HFM1: variants seen among roughly 807,000 people sequenced by gnomAD.
The protein encoded by HFM1 is helicase for meiosis 1, also known as probable ATP-dependent DNA helicase HFM1.
A neutral mutation model predicts 192.1 loss-of-function variants in HFM1; 169 were observed. The ratio of observed to expected loss-of-function variants is 0.88; its 90% CI spans 0.78 to 1.00. The LOEUF (loss-of-function observed/expected upper bound fraction) is 1.00, where lower values mean the gene tolerates loss of function less well. Ranked by LOEUF, HFM1 falls within the 50% of genes least tolerant of loss-of-function variation. HFM1 has a pLI of 0.00. For missense variants in HFM1, 1,661 were observed against 1,668.0 expected, an observed-to-expected ratio of 1.00 and a Z score of 0.07; for synonymous variants, 525 against 537.8, an observed-to-expected ratio of 0.98 and a Z score of 0.33.
At chr1:91,311,171 CT>C (rs1268238482) in intron 30 of HFM1, among the ~76,000 whole-genome samples, 1 of 152,168 alleles carries the variant, frequency 6.6e-6, no homozygotes, top group Non-Finnish European at 1.5e-5. Context: ...GCAAAGGTGA[CT>C]CTTGTTACGT....
chr1:91,407,473 TTCATATAAGTGGGA>T (rs1344984467), upstream of HFM1, among the ~76,000 whole-genome samples: 3 of 152,224 alleles, frequency 2.0e-5, no homozygotes, highest in African/African-American at 7.2e-5. Flanking sequence ...TCCTAAGTAC[TTCATATAAGTGGGA>T]TCATACAATA....
intron 35 of HFM1, among the ~76,000 whole-genome samples, chr1:91,267,100 T>C (rs1031681118): frequency 2.0e-5 from 3 of 152,138 alleles, no homozygotes; most frequent in Non-Finnish European, 4.4e-5. Flanking sequence ...AGTATCTCCA[T>C]TGCTATCTTG....
chr1:91,342,064 G>C (rs1213429475), intron 20 of HFM1, among the ~76,000 whole-genome samples: 1 of 147,836 alleles, frequency 6.8e-6, no homozygotes, highest in Non-Finnish European at 1.5e-5. Flanking sequence ...AATTTGAGGA[G>C]GGACTCCTCC....
intron 30 of HFM1, among the ~76,000 whole-genome samples, chr1:91,277,650 A>G (rs2100786594): frequency 7.6e-6 from 1 of 131,924 alleles, no homozygotes; most frequent in South Asian, 2.1e-4. Flanking sequence ...TATATATAAT[A>G]TATACTAATA....
intron 13 of HFM1, among the ~76,000 whole-genome samples, chr1:91,361,832 C>T (rs1396178341): frequency 6.6e-6 from 1 of 152,140 alleles, no homozygotes; most frequent in Non-Finnish European, 1.5e-5. Context: ...AATCCAGCAG[C>T]ACATCAAAAA....
intron 34 of HFM1, among the ~76,000 whole-genome samples, chr1:91,272,005 T>C (rs1486229606): frequency 6.6e-6 from 1 of 152,152 alleles, no homozygotes; most frequent in Non-Finnish European, 1.5e-5. Context: ...CTTTCTCATA[T>C]AATTTGTGAC....
chr1:91,263,482 C>A (rs1665364119), intron 36 of HFM1, among the ~76,000 whole-genome samples: 1 of 152,040 alleles, frequency 6.6e-6, no homozygotes, highest in African/African-American at 2.4e-5. Flanking sequence ...TGGCTCACAC[C>A]TATAATCCCA....
Position 91,380,928 on chromosome 1 carries a change from G to C in HFM1, c.857C>G (p.Ser286Cys), listed in dbSNP as rs1197169918. ...KEFPYFNYIQ[S>C]KAFDDLLYTD... ...AATACTTACATCATCAAAGGCCTTG[G>C]ACTGTATATAGTTGAAATATGGAAA... Residue 286 changes from serine to cysteine, a missense_variant, in exon 7 of 39, where the codon TCC becomes TGC. Coordinates refer to ENST00000370425, the MANE Select transcript of HFM1 (RefSeq NM_001017975.6). The C allele has an allele frequency of 2.1e-6, 3 of 1,454,784 alleles. No homozygotes were observed. The Admixed American group carries it at 5.1e-5, about 25-fold the overall frequency. 90.1% of individuals were successfully genotyped at this position (1,454,784 alleles called of 1,614,324 possible).
At chr1:91,316,818 T>C (rs1017740957) in intron 25 of HFM1, among the ~76,000 whole-genome samples, 52 of 152,178 alleles carry the variant, frequency 3.4e-4, no homozygotes, top group Admixed American at 5.9e-4. Context: ...GGCAACATGA[T>C]TCAAGGATCA....
At chr1:91,292,895 G>A (rs996216589) in intron 30 of HFM1, among the ~76,000 whole-genome samples, 5 of 151,978 alleles carry the variant, frequency 3.3e-5, no homozygotes, top group African/African-American at 9.7e-5. Context: ...CAGAAATAAC[G>A]CCACATATCT....
chr1:91,315,970 A>G lies in HFM1; in HGVS notation c.2985T>C (p.Ile995=), dbSNP rs1368460299. 6.3e-7 allele frequency: 1 copy of G among 1,579,934 alleles called. No individual in the cohort carries two copies. The highest frequency in any genetic ancestry group is 8.7e-7 in the Non-Finnish European group (1 of 1,152,512). The change falls in exon 28 of 39, where the codon ATT becomes ATC. Residue 995 remains isoleucine, a splice_region_variant and synonymous_variant. Coordinates refer to ENST00000370425, the MANE Select transcript of HFM1 (RefSeq NM_001017975.6). ...LPKYELKVEQ[I]TRYSDTTAEI... is the part of the protein sequence containing the mutation. Reference sequence around the variant, plus strand: ...CTGCCGTCGTATCACTATATCTTGTAATCTTTAAAAAAGGACAAGTATAAA... The same window carrying G: ...CTGCCGTCGTATCACTATATCTTGTGATCTTTAAAAAAGGACAAGTATAAA...
intron 13 of HFM1, among the ~76,000 whole-genome samples, chr1:91,373,978 A>G (rs1323251063): frequency 6.6e-6 from 1 of 152,188 alleles, no homozygotes; most frequent in Non-Finnish European, 1.5e-5. Context: ...ACAAAAGGAT[A>G]TTATAATTAT....
chr1:91,404,950 G>T, upstream of HFM1: 1 of 446,296 alleles, frequency 2.2e-6, no homozygotes, highest in Non-Finnish European at 4.5e-6. Flanking sequence ...TTTATAACTG[G>T]TTTTGAATAT....
rs1663630685 is a variant in HFM1, at chr1:91,396,147, C to A, written c.184+146G>T. Reference sequence around the variant, plus strand: ...TATCTGAAATTTCTGAAATCAATACCCAATATGAGTATACATATTTTGGGG... The same window carrying A: ...TATCTGAAATTTCTGAAATCAATACACAATATGAGTATACATATTTTGGGG... On this transcript the variant is annotated intron_variant, in intron 3 of 38. Transcript: ENST00000370425. The A allele has an allele frequency of 6.8e-6, 3 of 440,468 alleles. No individual in the cohort carries two copies. In the South Asian group the frequency reaches 2.0e-4, roughly 30 times the overall value. 27.3% of individuals were successfully genotyped at this position (440,468 alleles called of 1,614,324 possible). A position where few individuals can be genotyped will look rare whatever the true frequency, so the allele number is the denominator to read the frequency against.
At chr1:91,383,893 T>A (rs1661849484) in intron 6 of HFM1, among the ~76,000 whole-genome samples, 1 of 148,414 alleles carries the variant, frequency 6.7e-6, no homozygotes, top group Non-Finnish European at 1.5e-5. Context: ...TTTGCAATGT[T>A]TACATATTAA....
chr1:91,350,737 C>A lies in HFM1; in HGVS notation c.2206+1G>T, dbSNP rs1656819748. The A allele has an allele frequency of 6.2e-7, 1 of 1,607,470 alleles. No homozygotes were observed. The highest frequency in any genetic ancestry group is 1.3e-5 in the African/African-American group (1 of 74,804). Reference sequence around the variant, plus strand: ...TACTTTTCCAAGTCAAAGTAACAAACCATAATGAGATGGATTTTTCAAGGC... The same window carrying A: ...TACTTTTCCAAGTCAAAGTAACAAAACATAATGAGATGGATTTTTCAAGGC... On this transcript the variant is annotated splice_donor_variant, in intron 18 of 38. Transcript: ENST00000370425. LOFTEE classifies it high-confidence loss of function.
intron 30 of HFM1, among the ~76,000 whole-genome samples, chr1:91,312,166 A>C (rs1650559047): frequency 6.6e-6 from 1 of 152,166 alleles, no homozygotes; most frequent in Admixed American, 6.5e-5. Context: ...TAGAAGAGAA[A>C]TGTGGGGTCA....
chr1:91,394,403 C>T lies in HFM1; in HGVS notation c.185-1G>A, dbSNP rs1663394466. The stretch of plus-strand genomic sequence containing the variant: ...AACATTTTTGGCCTCTTTTCCTGAC[C>T]TACAAAAAAGGAATATCTTAATTAT... On this transcript the variant is annotated splice_acceptor_variant, in intron 3 of 38. Coordinates refer to ENST00000370425, the MANE Select transcript of HFM1 (RefSeq NM_001017975.6). LOFTEE classifies it high-confidence loss of function. The T allele has an allele frequency of 6.9e-7, 1 of 1,451,294 alleles. No homozygotes were observed. Among genetic ancestry groups the T allele is most frequent in the East Asian group, 2.3e-5 (1 of 43,398 alleles). 89.9% of individuals were successfully genotyped at this position (1,451,294 alleles called of 1,614,324 possible).
In HFM1 at chr1:91,378,061, A is replaced by C; in HGVS notation, c.1359T>G (p.Phe453Leu). Residue 453 changes from phenylalanine to leucine, a missense_variant, in exon 11 of 39, where the codon TTT becomes TTG. By Grantham distance (22) the Phe-to-Leu change is conservative. Coordinates refer to ENST00000370425, the MANE Select transcript of HFM1 (RefSeq NM_001017975.6). Reference protein sequence around the residue: ...KNTSTAIPMRFVAVSATIPNA... With the variant: ...KNTSTAIPMRLVAVSATIPNA... ...TTGGAATTGTTGCAGATACAGCTACAAATCGCATTGGAATAGCAGTGCTGG... is the reference window on the plus strand; with the variant it reads ...TTGGAATTGTTGCAGATACAGCTACCAATCGCATTGGAATAGCAGTGCTGG... The C allele has an allele frequency of 6.2e-7, 1 of 1,612,498 alleles. No individual in the cohort carries two copies. Among genetic ancestry groups the C allele is most frequent in the Non-Finnish European group, 8.5e-7 (1 of 1,179,048 alleles).
Sources: gnomAD v4.1 joint callset for allele counts (sites outside exome capture counted in the v4.1 genomes callset) on GRCh38, gnomAD v4.1.1 for gene constraint, MANE v1.5 for transcripts, NCBI Gene and HGNC (gene_info 2026-07-23, HGNC 2026-07-21) for gene names.